The following CDH18 variants were observed in gnomAD, a reference collection of about 807,000 sequenced individuals.
The protein encoded by CDH18 is cadherin-18.
CDH18 carries 31 observed loss-of-function variants against 67.9 expected under a neutral mutation model. That is an observed-to-expected ratio of 0.46 (90% CI 0.34 to 0.62). CDH18 has a LOEUF of 0.62. Among genes scored for constraint, CDH18 ranks in the 20% least tolerant of loss-of-function variants. The pLI is 0.01. For missense variants in CDH18, 890 were observed against 975.5 expected, an observed-to-expected ratio of 0.91 and a Z score of 1.17; for synonymous variants, 362 against 347.2, an observed-to-expected ratio of 1.04 and a Z score of -0.48.
chr5:20,466,374 GTTCT>G (rs1395799072), intron 1 of CDH18, among the ~76,000 whole-genome samples: 1 of 152,056 alleles, frequency 6.6e-6, no homozygotes, highest in Non-Finnish European at 1.5e-5. Flanking sequence ...AGATTGGGAA[GTTCT>G]TTATCGGAAA....
intron 1 of CDH18, among the ~76,000 whole-genome samples, chr5:20,494,890 C>T (rs1336905220): frequency 2.6e-5 from 4 of 152,102 alleles, no homozygotes; most frequent in Non-Finnish European, 5.9e-5. Context: ...TAATTGTCCA[C>T]AGCCCTGGGT....
chr5:19,938,746 T>C (rs751253972), intron 2 of CDH18, among the ~76,000 whole-genome samples: 1 of 151,450 alleles, frequency 6.6e-6, no homozygotes, highest in Non-Finnish European at 1.5e-5. Flanking sequence ...TATATGCCTT[T>C]TAAAGTTATA....
intron 2 of CDH18, among the ~76,000 whole-genome samples, chr5:19,999,296 G>T (rs1659925431): frequency 6.6e-6 from 1 of 151,476 alleles, no homozygotes; most frequent in African/African-American, 2.4e-5. Context: ...CTCCACAATT[G>T]CCCACATAAA....
intron 3 of CDH18, among the ~76,000 whole-genome samples, chr5:19,821,639 C>T (rs772411580): frequency 7.2e-5 from 11 of 152,050 alleles, no homozygotes; most frequent in Non-Finnish European, 1.2e-4. Flanking sequence ...TACAAGATGA[C>T]TACCCACAAG....
intron 2 of CDH18, among the ~76,000 whole-genome samples, chr5:19,936,492 CAAT>C (rs1159924389): frequency 1.3e-5 from 2 of 150,822 alleles, no homozygotes; most frequent in Non-Finnish European, 1.5e-5. Flanking sequence ...AGCAATACAA[CAAT>C]GATTAAAAAT....
chr5:19,555,977 C>T lies in CDH18; in HGVS notation c.1254-11972G>A, dbSNP rs191204132. Among the ~76,000 whole-genome samples the T allele has an allele frequency of 3.9e-3, 599 of 152,200 alleles. 1 individual carries two copies. Among genetic ancestry groups the T allele is most frequent in the Non-Finnish European group, 6.4e-3 (436 of 68,006 alleles). ...TTTGAAGACACTCCCCAGTATCAGCCCAGAGCCTGGTAGCTCCACTGGGTG... is the reference window on the plus strand; with the variant it reads ...TTTGAAGACACTCCCCAGTATCAGCTCAGAGCCTGGTAGCTCCACTGGGTG... On this transcript the variant is annotated intron_variant, in intron 8 of 12. Coordinates refer to ENST00000382275, the MANE Select transcript of CDH18 (RefSeq NM_004934.5).
chr5:19,761,135 G>C (rs1395507248), intron 3 of CDH18, among the ~76,000 whole-genome samples: 2 of 152,146 alleles, frequency 1.3e-5, no homozygotes, highest in Non-Finnish European at 2.9e-5. Flanking sequence ...TTTCACTGCA[G>C]GTCAGCCACT....
intron 2 of CDH18, among the ~76,000 whole-genome samples, chr5:19,939,884 A>G (rs1335447190): frequency 2.0e-5 from 3 of 151,904 alleles, no homozygotes; most frequent in South Asian, 4.1e-4. Flanking sequence ...AATGCTTTAT[A>G]TATTTGTGAG....
chr5:19,534,582 G>A (rs1404220911), intron 9 of CDH18, among the ~76,000 whole-genome samples: 1 of 152,070 alleles, frequency 6.6e-6, no homozygotes, highest in African/African-American at 2.4e-5. Flanking sequence ...ACAGATACAT[G>A]AGCCAATAAA....
At chr5:20,336,691 C>T (rs1554119925) in intron 1 of CDH18, among the ~76,000 whole-genome samples, 1 of 127,190 alleles carries the variant, frequency 7.9e-6, no homozygotes, top group Non-Finnish European at 1.6e-5. Flanking sequence ...CCACTGCACT[C>T]CAGCCTGGGC....
chr5:19,779,374 GAGTT>G (rs1561283780), intron 3 of CDH18, among the ~76,000 whole-genome samples: 2 of 152,124 alleles, frequency 1.3e-5, no homozygotes, highest in African/African-American at 4.8e-5. Context: ...TAAGAAAATT[GAGTT>G]AGTTTATTGT....
chr5:19,621,776 C>G (rs1750756929), intron 5 of CDH18, among the ~76,000 whole-genome samples: 1 of 152,184 alleles, frequency 6.6e-6, no homozygotes, highest in Non-Finnish European at 1.5e-5. Flanking sequence ...GTTAATGATA[C>G]TGTATCGGAC....
chr5:20,166,905 G>C (rs939503592), intron 2 of CDH18, among the ~76,000 whole-genome samples: 1 of 152,122 alleles, frequency 6.6e-6, no homozygotes, highest in African/African-American at 2.4e-5. Flanking sequence ...TTCAGGAGAA[G>C]AAATGTTTTT....
chr5:20,225,442 C>T (rs945853716), intron 2 of CDH18, among the ~76,000 whole-genome samples: 36 of 152,212 alleles, frequency 2.4e-4, no homozygotes, highest in African/African-American at 6.3e-4. Flanking sequence ...AAGACCTTTA[C>T]GTTTAAATAA....
At chr5:19,741,241 A>ATG (rs1459147887) in intron 4 of CDH18, among the ~76,000 whole-genome samples, 2 of 26,324 alleles carry the variant, frequency 7.6e-5, no homozygotes, top group Admixed American at 8.3e-4. Context: ...ATATGTACAT[A>ATG]TATGTATGTA....
chr5:19,790,867 C>T (rs1776282946), intron 3 of CDH18, among the ~76,000 whole-genome samples: 1 of 152,020 alleles, frequency 6.6e-6, no homozygotes, highest in African/African-American at 2.4e-5. Context: ...ACTTGAGATA[C>T]ATTTCAGATG....
intron 1 of CDH18, among the ~76,000 whole-genome samples, chr5:20,379,739 G>A (rs1743757681): frequency 6.6e-6 from 1 of 151,732 alleles, no homozygotes; most frequent in South Asian, 2.1e-4. Context: ...TTAAAGATCA[G>A]GCAATAAAAA....
chr5:20,463,132 A>C (rs549444401), intron 1 of CDH18, among the ~76,000 whole-genome samples: 1 of 152,112 alleles, frequency 6.6e-6, no homozygotes, highest in African/African-American at 2.4e-5. Flanking sequence ...TTTTGTAAAC[A>C]CAATAGACAA....
chr5:19,651,907 T>G (rs1302310709), intron 5 of CDH18, among the ~76,000 whole-genome samples: 1 of 152,070 alleles, frequency 6.6e-6, no homozygotes, highest in African/African-American at 2.4e-5. Context: ...AGCAGTTTCC[T>G]CATTTAGAAA....
Sources: allele counts gnomAD v4.1 joint callset (sites outside exome capture counted in the v4.1 genomes callset), GRCh38; gene constraint gnomAD v4.1.1; transcripts MANE v1.5; gene names NCBI Gene and HGNC (gene_info 2026-07-23, HGNC 2026-07-21).